The following GALNTL6 variants were observed in gnomAD, a reference collection of about 807,000 sequenced individuals.
GALNTL6 encodes the protein polypeptide N-acetylgalactosaminyltransferase-like 6.
In GALNTL6, 46 loss-of-function variants were observed where a neutral mutation model predicts 73.7. That is an observed-to-expected ratio of 0.62 (90% confidence interval 0.49 to 0.80). The LOEUF is 0.80. Among genes scored for constraint, GALNTL6 ranks in the 30% least tolerant of loss-of-function variants. The pLI is 0.00. For synonymous variants in GALNTL6, 259 were observed against 263.7 expected (o/e 0.98, Z 0.17); for missense variants, 604 against 755.0 (o/e 0.80, Z 2.34).
At chr4:172,032,039 A>G (rs1341680781) in intron 2 of GALNTL6, among the ~76,000 whole-genome samples, 3 of 152,108 alleles carry the variant, frequency 2.0e-5, no homozygotes, top group Admixed American at 2.0e-4. Context: ...TCACCCATAA[A>G]AAGTTTTCAC....
chr4:172,756,512 A>C (rs1737759664), intron 5 of GALNTL6, among the ~76,000 whole-genome samples: 2 of 151,932 alleles, frequency 1.3e-5, no homozygotes, highest in Non-Finnish European at 2.9e-5. Flanking sequence ...GGGCATGGTG[A>C]TGTACACCTG....
chr4:172,722,440 C>T (rs972355625), intron 5 of GALNTL6, among the ~76,000 whole-genome samples: 4 of 152,026 alleles, frequency 2.6e-5, no homozygotes, highest in African/African-American at 9.7e-5. Context: ...AAAATAATCA[C>T]TCTAATGTGT....
At chr4:172,200,481 T>G (rs1353797857) in intron 2 of GALNTL6, among the ~76,000 whole-genome samples, 1 of 152,202 alleles carries the variant, frequency 6.6e-6, no homozygotes, top group Non-Finnish European at 1.5e-5. Flanking sequence ...AAAAGCAAGT[T>G]GTGGAATGAA....
At chr4:172,316,649 T>C (rs1740569591) in intron 4 of GALNTL6, among the ~76,000 whole-genome samples, 2 of 152,224 alleles carry the variant, frequency 1.3e-5, no homozygotes, top group Admixed American at 1.3e-4. Context: ...ACCAGACTAA[T>C]GTAGTCCTGT....
chr4:172,582,534 G>A (rs1737230400), intron 5 of GALNTL6, among the ~76,000 whole-genome samples: 2 of 152,092 alleles, frequency 1.3e-5, no homozygotes, highest in Admixed American at 6.5e-5. Flanking sequence ...TATTAAAGCT[G>A]ACTGTAATTA....
chr4:172,884,064 C>A (rs2111195537), intron 8 of GALNTL6, among the ~76,000 whole-genome samples: 1 of 152,082 alleles, frequency 6.6e-6, no homozygotes, highest in Non-Finnish European at 1.5e-5. Context: ...CTATTGAGAC[C>A]ATTGTCACAA....
At chr4:172,825,773 C>CG (rs1467966861) in intron 7 of GALNTL6, among the ~76,000 whole-genome samples, 1 of 152,090 alleles carries the variant, frequency 6.6e-6, no homozygotes, top group Non-Finnish European at 1.5e-5. Context: ...GAAAGCTGTG[C>CG]GTAGCTGAGA....
chr4:172,905,953 T>C (rs1746868290), intron 8 of GALNTL6, among the ~76,000 whole-genome samples: 1 of 151,460 alleles, frequency 6.6e-6, no homozygotes, highest in Non-Finnish European at 1.5e-5. Context: ...AACAGGGCCA[T>C]GGAAAGATGA....
At chr4:172,417,382 C>T in intron 5 of GALNTL6, among the ~76,000 whole-genome samples, 1 of 152,034 alleles carries the variant, frequency 6.6e-6, no homozygotes, top group East Asian at 1.9e-4. Context: ...TATCTTTTTT[C>T]AAATAAAATT....
intron 8 of GALNTL6, among the ~76,000 whole-genome samples, 162 bp downstream of exon 8, chr4:172,883,069 T>G (rs764114783): frequency 2.6e-5 from 4 of 152,226 alleles, no homozygotes; most frequent in African/African-American, 7.2e-5. Context: ...TTTTGGTTTT[T>G]GTTTTTATTT....
chr4:172,614,430 T>G (rs1579244782), intron 5 of GALNTL6, among the ~76,000 whole-genome samples: 2 of 152,300 alleles, frequency 1.3e-5, no homozygotes, highest in South Asian at 4.1e-4. Context: ...TTTTTATTCT[T>G]TTTCCTATGT....
At chr4:172,864,970 G>C (rs978975447) in intron 7 of GALNTL6, among the ~76,000 whole-genome samples, 9 of 152,130 alleles carry the variant, frequency 5.9e-5, no homozygotes, top group Non-Finnish European at 1.3e-4. Flanking sequence ...TACAATTATA[G>C]TTGCATTATT....
intron 5 of GALNTL6, among the ~76,000 whole-genome samples, chr4:172,557,561 A>T (rs1176573367): frequency 6.6e-6 from 1 of 152,218 alleles, no homozygotes; most frequent in Non-Finnish European, 1.5e-5. Context: ...AGGGCAAAAT[A>T]CCTGAATAAT....
intron 8 of GALNTL6, among the ~76,000 whole-genome samples, chr4:172,908,259 G>A (rs2111256516): frequency 1.3e-5 from 2 of 152,246 alleles, no homozygotes; most frequent in South Asian, 4.1e-4. Context: ...ACCATGGAAA[G>A]AGAAGTCATG....
chr4:171,969,029 G>T (rs1002265292), intron 2 of GALNTL6, among the ~76,000 whole-genome samples: 12 of 152,076 alleles, frequency 7.9e-5, no homozygotes, highest in African/African-American at 2.9e-4. Flanking sequence ...TAGTGGTGGG[G>T]TTTCACCATG....
At chr4:172,550,096 T>G (rs1314983493) in intron 5 of GALNTL6, among the ~76,000 whole-genome samples, 1 of 152,164 alleles carries the variant, frequency 6.6e-6, no homozygotes, top group Admixed American at 6.6e-5. Flanking sequence ...TTGCATATAT[T>G]TATCACAAAT....
At chr4:172,871,605 T>C (rs547575721) in intron 7 of GALNTL6, among the ~76,000 whole-genome samples, 5 of 116,672 alleles carry the variant, frequency 4.3e-5, no homozygotes, top group African/African-American at 1.6e-4. Flanking sequence ...GGTGTGTGTG[T>C]GTGAGAGTGT....
chr4:172,827,048 C>A (rs1309634385), intron 7 of GALNTL6, among the ~76,000 whole-genome samples: 1 of 152,136 alleles, frequency 6.6e-6, no homozygotes, highest in Admixed American at 6.5e-5. Flanking sequence ...ATGCAGCAGA[C>A]CTTTCAAAAG....
At chr4:172,653,609 A>G (rs947307193) in intron 5 of GALNTL6, among the ~76,000 whole-genome samples, 95 of 151,490 alleles carry the variant, frequency 6.3e-4, no homozygotes, top group Non-Finnish European at 1.2e-3. Flanking sequence ...AAGAAAGAGG[A>G]AAAAAAAATA....
Sources: allele counts gnomAD v4.1 joint callset (sites outside exome capture counted in the v4.1 genomes callset), GRCh38; gene constraint gnomAD v4.1.1; transcripts MANE v1.5; gene names NCBI Gene and HGNC (gene_info 2026-07-23, HGNC 2026-07-21).